SLCO1B3: variants seen among roughly 807,000 people sequenced by gnomAD.
The protein encoded by SLCO1B3 is liver-specific organic anion transporter 2.
Under a neutral mutation model 71.8 loss-of-function variants are expected in SLCO1B3, and 72 were observed. The observed-to-expected ratio is 1.00, with a 90% CI of 0.83 to 1.22. The LOEUF is 1.22. Ranked by LOEUF, SLCO1B3 falls within the 50% of genes most tolerant of loss-of-function variation. The pLI is 0.00. For synonymous variants in SLCO1B3, 298 were observed against 278.4 expected, an observed-to-expected ratio of 1.07 and a Z score of -0.70; for missense variants, 911 against 819.7, an observed-to-expected ratio of 1.11 and a Z score of -1.36.
chr12:20,849,237 C>G (rs1025727491), intron 3 of SLCO1B3, among the ~76,000 whole-genome samples: 5 of 151,910 alleles, frequency 3.3e-5, no homozygotes, highest in African/African-American at 1.2e-4. Context: ...AAAATGGATT[C>G]ATCCTGGAAA....
At chr12:20,873,974 T>C (rs1865528009) in intron 8 of SLCO1B3, among the ~76,000 whole-genome samples, 1 of 152,216 alleles carries the variant, frequency 6.6e-6, no homozygotes, top group Admixed American at 6.5e-5. Flanking sequence ...CCATGGTGTA[T>C]ATGTACCACA....
At chr12:20,908,516 C>A (rs1429028008) in intron 15 of SLCO1B3, among the ~76,000 whole-genome samples, 1 of 147,392 alleles carries the variant, frequency 6.8e-6, no homozygotes, top group Non-Finnish European at 1.5e-5. Flanking sequence ...CCCTAAAAAT[C>A]TTCTGTGCTC....
intron 3 of SLCO1B3, among the ~76,000 whole-genome samples, chr12:20,826,640 T>G (rs1269726335): frequency 2.0e-5 from 3 of 151,644 alleles, no homozygotes; most frequent in African/African-American, 7.3e-5. Context: ...CTTTCTGTGT[T>G]ATCCTAAAGG....
chr12:20,877,731 A>G (rs1020742767), intron 9 of SLCO1B3, 41 bp from the exon 10 acceptor site: 2 of 855,280 alleles, frequency 2.3e-6, no homozygotes, highest in South Asian at 4.3e-5. Context: ...ATATTAATAT[A>G]TATTTTATTA....
At chr12:20,898,829 G>A (rs1317261806) in intron 14 of SLCO1B3, among the ~76,000 whole-genome samples, 4 of 152,196 alleles carry the variant, frequency 2.6e-5, no homozygotes, top group East Asian at 1.9e-4. Flanking sequence ...CCAGGTATAC[G>A]CAGAGTGGAG....
intron 3 of SLCO1B3, among the ~76,000 whole-genome samples, chr12:20,850,134 C>G (rs1341977927): frequency 7.0e-6 from 1 of 142,746 alleles, no homozygotes; most frequent in African/African-American, 2.6e-5. Context: ...GAAAAAATAA[C>G]AAAGTTGGAA....
intron 8 of SLCO1B3, among the ~76,000 whole-genome samples, chr12:20,867,420 T>G (rs1385331439): frequency 6.6e-6 from 1 of 151,334 alleles, no homozygotes; most frequent in Non-Finnish European, 1.5e-5. Context: ...ATGAAGAGAT[T>G]GTGGATATGG....
rs144378120 is a variant in SLCO1B3 at position 20,883,568 on chromosome 12, A to G, written c.1648A>G (p.Thr550Ala). The change falls in exon 13 of 16, where the codon ACA (threonine) becomes GCA (alanine). Residue 550 changes from threonine to alanine, a missense_variant. Coordinates refer to ENST00000381545, the MANE Select transcript of SLCO1B3 (RefSeq NM_019844.4). Reference sequence around the variant, plus strand: ...AGTCATAAACTCTTTGTTCTCTGCAACAGGAGGTACCACATTTATCTTGTT... The same window carrying G: ...AGTCATAAACTCTTTGTTCTCTGCAGCAGGAGGTACCACATTTATCTTGTT... Reference protein sequence around the residue: ...IQVINSLFSATGGTTFILLTV... With the variant: ...IQVINSLFSAAGGTTFILLTV... 383 of 1,599,768 alleles carry G rather than the reference A, an allele frequency of 2.4e-4. 1 individual carries two copies. Among genetic ancestry groups the G allele is most frequent in the Admixed American group, 4.8e-4 (27 of 56,746 alleles).
At chr12:20,864,653 C>A (rs762216306) in intron 8 of SLCO1B3, among the ~76,000 whole-genome samples, 1 of 152,104 alleles carries the variant, frequency 6.6e-6, no homozygotes, top group Non-Finnish European at 1.5e-5. Flanking sequence ...TGTTGAAGGT[C>A]TTTAGGATAG....
At position 20,815,820 on chromosome 12, in the gene SLCO1B3, A is replaced by G. The variant is rs779872655; in HGVS notation, c.82A>G (p.Lys28Glu). ...GAAAACAAGACGCTGCAATGGATTC[A>G]AGGTAGAATGGGTTTTATATTTTCA... The part of the protein sequence containing the change: ...KKKTRRCNGF[K>E]MFLAALSFSY... The change falls in exon 3 of 16, where the codon AAG becomes GAG. Residue 28 changes from lysine to glutamate, a missense_variant and splice_region_variant. Lys to Glu is a moderately conservative substitution (Grantham distance 56, BLOSUM62 1). Coordinates refer to ENST00000381545, the MANE Select transcript of SLCO1B3 (RefSeq NM_019844.4). The G allele has an allele frequency of 1.3e-6, 2 of 1,573,496 alleles. No homozygotes were observed. The highest frequency in any genetic ancestry group is 2.4e-5 in the South Asian group (2 of 84,136).
chr12:20,864,231 GCTC>G (rs1865327697), intron 8 of SLCO1B3, among the ~76,000 whole-genome samples: 1 of 152,002 alleles, frequency 6.6e-6, no homozygotes, highest in Admixed American at 6.6e-5. Flanking sequence ...CAAATTCGGT[GCTC>G]CTATTAATCA....
chr12:20,821,103 C>T (rs36124215), intron 3 of SLCO1B3, among the ~76,000 whole-genome samples: 16,556 of 151,786 alleles, frequency 0.11, 1,088 homozygotes, highest in Middle Eastern at 0.17. Flanking sequence ...AAAGACTCAG[C>T]GACGCTTGGG....
At chr12:20,861,269 A>G (rs1195154395) in intron 6 of SLCO1B3, 131 bp downstream of exon 6, 1 of 748,142 alleles carries the variant, frequency 1.3e-6, no homozygotes, top group East Asian at 3.3e-5. Flanking sequence ...TTACATACAG[A>G]CAAAATCATA....
chr12:20,861,008 C>T lies in SLCO1B3; in HGVS notation c.360-9C>T. 1.9e-6 allele frequency: 3 copies of T among 1,559,374 alleles called. No individual in the cohort carries two copies. Among genetic ancestry groups the T allele is most frequent in the Non-Finnish European group, 2.6e-6 (3 of 1,148,536 alleles). On this transcript the variant is annotated splice_polypyrimidine_tract_variant and intron_variant, in intron 5 of 15. Transcript: ENST00000381545. ...AAGCAAAATGTTCAATTTCATGTTG[C>T]TCTTACAGTTATAGGTATTCTAAAG...
intron 13 of SLCO1B3, among the ~76,000 whole-genome samples, chr12:20,897,764 A>G (rs898691848): frequency 6.6e-6 from 1 of 152,196 alleles, no homozygotes; most frequent in Non-Finnish European, 1.5e-5. Context: ...CTAATGAAAG[A>G]TAATTTCATT....
chr12:20,860,269 T>C (rs1244767376), intron 5 of SLCO1B3, among the ~76,000 whole-genome samples: 1 of 152,186 alleles, frequency 6.6e-6, no homozygotes, highest in Non-Finnish European at 1.5e-5. Flanking sequence ...ATCATTTCTT[T>C]TTTGTGGGTG....
chr12:20,890,914 T>A (rs1865890282), intron 13 of SLCO1B3, among the ~76,000 whole-genome samples: 1 of 152,126 alleles, frequency 6.6e-6, no homozygotes, highest in South Asian at 2.1e-4. Context: ...TACCAGTTAC[T>A]TGAGTTAGGT....
At chr12:20,819,186 G>C (rs1864246315) in intron 3 of SLCO1B3, among the ~76,000 whole-genome samples, 1 of 152,180 alleles carries the variant, frequency 6.6e-6, no homozygotes, top group South Asian at 2.1e-4. Flanking sequence ...TCTTGTGTAA[G>C]AATTCTGACC....
At chr12:20,907,501 C>T (rs1470737256) in intron 15 of SLCO1B3, among the ~76,000 whole-genome samples, 2 of 140,934 alleles carry the variant, frequency 1.4e-5, no homozygotes, top group African/African-American at 2.6e-5. Flanking sequence ...TCCTCCCTTC[C>T]CTTCCCTTCC....
Sources: allele counts gnomAD v4.1 joint callset (sites outside exome capture counted in the v4.1 genomes callset), GRCh38; gene constraint gnomAD v4.1.1; transcripts MANE v1.5; gene names NCBI Gene and HGNC (gene_info 2026-07-23, HGNC 2026-07-21).